The following BTBD9 variants were observed in gnomAD, a reference collection of about 807,000 sequenced individuals.
BTBD9 encodes the protein BTB/POZ domain-containing protein 9.
A neutral mutation model predicts 64.3 loss-of-function variants in BTBD9; 49 were observed. The observed-to-expected ratio is 0.76, with a 90% CI of 0.61 to 0.97. The LOEUF (loss-of-function observed/expected upper bound fraction) is 0.97, where lower values mean the gene tolerates loss of function less well. Ranked by LOEUF, BTBD9 falls within the 50% of genes least tolerant of loss-of-function variation. The pLI is 0.00. For missense variants in BTBD9, 598 were observed against 762.1 expected (o/e 0.78, Z 2.53); for synonymous variants, 260 against 274.7 (o/e 0.95, Z 0.53).
At chr6:38,349,638 A>G (rs1406698497) in intron 6 of BTBD9, among the ~76,000 whole-genome samples, 1 of 152,178 alleles carries the variant, frequency 6.6e-6, no homozygotes, top group East Asian at 1.9e-4. Flanking sequence ...TACAGTATAT[A>G]TAAGGTTCAG....
At chr6:38,200,016 A>G (rs1762403802) in intron 9 of BTBD9, among the ~76,000 whole-genome samples, 1 of 152,236 alleles carries the variant, frequency 6.6e-6, no homozygotes, top group Admixed American at 6.5e-5. Context: ...CCTGGATCCC[A>G]GTGAAGCCAG....
chr6:38,178,479 G>T (rs1262875566), intron 10 of BTBD9, among the ~76,000 whole-genome samples: 1 of 152,134 alleles, frequency 6.6e-6, no homozygotes, highest in Non-Finnish European at 1.5e-5. Flanking sequence ...GCCCTCAGAG[G>T]GTGTACGGTC....
chr6:38,214,796 A>G (rs1762957819), intron 9 of BTBD9, among the ~76,000 whole-genome samples: 1 of 152,202 alleles, frequency 6.6e-6, no homozygotes, highest in Non-Finnish European at 1.5e-5. Flanking sequence ...TGACTTCTTT[A>G]CTACTTCATA....
At chr6:38,531,875 G>A (rs1266240545) in intron 6 of BTBD9, among the ~76,000 whole-genome samples, 1 of 152,114 alleles carries the variant, frequency 6.6e-6, no homozygotes, top group African/African-American at 2.4e-5. Context: ...AGAAGGCACA[G>A]CAAGATGGCT....
At chr6:38,378,501 C>G (rs887129798) in intron 6 of BTBD9, among the ~76,000 whole-genome samples, 12 of 148,474 alleles carry the variant, frequency 8.1e-5, no homozygotes, top group Non-Finnish European at 1.5e-4. Context: ...TCCTGAAGTG[C>G]TGGGATTACA....
intron 7 of BTBD9, among the ~76,000 whole-genome samples, chr6:38,313,747 CTT>C (rs765375990): frequency 5.4e-5 from 7 of 128,894 alleles, no homozygotes; most frequent in African/African-American, 5.7e-5. Flanking sequence ...GATGAATTAT[CTT>C]TTTTTTTTTT....
At chr6:38,507,753 C>A (rs946362925) in intron 6 of BTBD9, among the ~76,000 whole-genome samples, 5 of 151,932 alleles carry the variant, frequency 3.3e-5, no homozygotes, top group African/African-American at 1.2e-4. Context: ...TAGACCTTCT[C>A]TCTATATATA....
intron 10 of BTBD9, chr6:38,179,944 C>T: frequency 2.4e-6 from 1 of 411,660 alleles, no homozygotes; most frequent in South Asian, 1.8e-5. Context: ...ACATAAAGAT[C>T]TGGGCCTTGG....
intron 6 of BTBD9, among the ~76,000 whole-genome samples, chr6:38,366,741 T>C (rs1209256051): frequency 1.3e-5 from 2 of 152,362 alleles, no homozygotes; most frequent in East Asian, 1.9e-4. Flanking sequence ...ATCGATCTTA[T>C]AGGGACTTTT....
At chr6:38,239,237 C>G (rs1212563519) in intron 9 of BTBD9, among the ~76,000 whole-genome samples, 5 of 151,892 alleles carry the variant, frequency 3.3e-5, no homozygotes, top group African/African-American at 1.2e-4. Context: ...GTCAAGAGAT[C>G]GAGACCATCC....
At chr6:38,578,415 C>A (rs892598805) in intron 5 of BTBD9, among the ~76,000 whole-genome samples, 2 of 152,200 alleles carry the variant, frequency 1.3e-5, no homozygotes, top group African/African-American at 4.8e-5. Context: ...CAGGTCCCAT[C>A]CTGAACAAAT....
intron 6 of BTBD9, among the ~76,000 whole-genome samples, chr6:38,520,766 C>T (rs988116949): frequency 1.3e-5 from 2 of 151,048 alleles, no homozygotes. Flanking sequence ...GACCACATCT[C>T]TACTAAATAT....
intron 4 of BTBD9, among the ~76,000 whole-genome samples, chr6:38,584,119 G>T (rs1041920697): frequency 3.3e-5 from 5 of 152,114 alleles, no homozygotes; most frequent in African/African-American, 1.2e-4. Context: ...TTGAGTACAG[G>T]AGTTTGAGAC....
chr6:38,575,281 A>G (rs1245679080), intron 6 of BTBD9, among the ~76,000 whole-genome samples: 5 of 152,222 alleles, frequency 3.3e-5, no homozygotes, highest in Non-Finnish European at 7.3e-5. Context: ...TAACATTTAT[A>G]GAGTACCTAC....
chr6:38,335,299 C>G (rs1228285573), intron 7 of BTBD9, among the ~76,000 whole-genome samples: 1 of 150,556 alleles, frequency 6.6e-6, no homozygotes, highest in Non-Finnish European at 1.5e-5. Context: ...GTTGGCCAGA[C>G]CGGAGTGCAG....
At position 38,613,629 on chromosome 6, in the gene BTBD9, TA is replaced by T. The variant is rs955262278; in HGVS notation, c.-27-15509del. Among the ~76,000 whole-genome samples, 20 of 150,048 alleles carry T rather than the reference TA, an allele frequency of 1.3e-4. No individual in the cohort carries two copies. The East Asian group carries it at 1.4e-3, about 10-fold the overall frequency. On this transcript the variant is annotated intron_variant, in intron 1 of 10. Coordinates refer to ENST00000481247, the MANE Select transcript of BTBD9 (RefSeq NM_001099272.2). ...AGACAGAGTGAGACTTTATCTTTTT[TA>T]AAAAAAAAAATACAGCCCATATGGA...
chr6:38,305,002 A>T (rs1296006599), intron 7 of BTBD9, among the ~76,000 whole-genome samples: 3 of 151,244 alleles, frequency 2.0e-5, no homozygotes, highest in Non-Finnish European at 4.4e-5. Flanking sequence ...CTGCAGCTGT[A>T]TTCCCACCGC....
intron 9 of BTBD9, among the ~76,000 whole-genome samples, chr6:38,210,549 TGTGTG>T (rs1762799631): frequency 6.9e-6 from 1 of 144,970 alleles, no homozygotes; most frequent in Admixed American, 6.8e-5. Context: ...TGTGTGTGTG[TGTGTG>T]TGTGTGTGTG....
intron 9 of BTBD9, among the ~76,000 whole-genome samples, chr6:38,242,750 A>C (rs191705853): frequency 6.6e-6 from 1 of 152,366 alleles, no homozygotes; most frequent in Non-Finnish European, 1.5e-5. Context: ...ACTGAATCAA[A>C]GTTGTGCATT....
Sources: allele counts gnomAD v4.1 joint callset (sites outside exome capture counted in the v4.1 genomes callset), GRCh38; gene constraint gnomAD v4.1.1; transcripts MANE v1.5; gene names NCBI Gene and HGNC (gene_info 2026-07-23, HGNC 2026-07-21).